SAMD12: variants seen among roughly 807,000 people sequenced by gnomAD.
The protein encoded by SAMD12 is sterile alpha motif domain-containing protein 12.
In SAMD12, 9 loss-of-function variants were observed where a neutral mutation model predicts 15.0. The ratio of observed to expected loss-of-function variants is 0.60; its 90% CI spans 0.36 to 1.05. SAMD12 has a LOEUF of 1.05. Ranked by LOEUF, SAMD12 falls within the 50% of genes least tolerant of loss-of-function variation. The probability of loss-of-function intolerance (pLI) is 0.01; values close to 1 mark genes in which losing one functional copy is unlikely to be tolerated. For missense variants in SAMD12, 230 were observed against 234.2 expected (o/e 0.98, Z 0.12); for synonymous variants, 86 against 90.1 (o/e 0.96, Z 0.25).
intron 4 of SAMD12, among the ~76,000 whole-genome samples, chr8:118,203,915 C>A (rs1016058421): frequency 2.1e-5 from 3 of 143,794 alleles, no homozygotes; most frequent in African/African-American, 7.9e-5. Context: ...ATGAACTCAT[C>A]CTTTTTTTTT....
At chr8:118,515,453 T>A (rs1825216001) in intron 2 of SAMD12, among the ~76,000 whole-genome samples, 1 of 152,072 alleles carries the variant, frequency 6.6e-6, no homozygotes, top group African/African-American at 2.4e-5. Flanking sequence ...GTGAGCCAAT[T>A]AAACCTCTTT....
chr8:118,471,043 A>G, intron 2 of SAMD12, among the ~76,000 whole-genome samples: 1 of 152,224 alleles, frequency 6.6e-6, no homozygotes, highest in East Asian at 1.9e-4. Context: ...TATTTAAATG[A>G]AAGGCTTCAG....
At chr8:118,362,894 G>A (rs1818575935) in intron 4 of SAMD12, among the ~76,000 whole-genome samples, 1 of 152,138 alleles carries the variant, frequency 6.6e-6, no homozygotes, top group African/African-American at 2.4e-5. Context: ...ATGATGCCAA[G>A]TTGAAAAACA....
intron 4 of SAMD12, among the ~76,000 whole-genome samples, chr8:118,255,806 A>T (rs186482149): frequency 1.8e-4 from 28 of 152,202 alleles, no homozygotes; most frequent in Admixed American, 1.7e-3. Flanking sequence ...ATAGTGCCGC[A>T]ATAAACATAA....
At chr8:118,621,516 G>A (rs2514599) in intron 1 of SAMD12, 288,102 of 476,320 alleles carry the variant, frequency 0.6, 91,807 homozygotes, top group Admixed American at 0.67. Context: ...GGATCCTCCG[G>A]CTTTCCCCCC....
chr8:118,177,689 C>A, the SAMD12 span, among the ~76,000 whole-genome samples: 1 of 152,152 alleles, frequency 6.6e-6, no homozygotes, highest in African/African-American at 2.4e-5. Context: ...CACCACTGCA[C>A]TTCAGCCTGG....
intron 3 of SAMD12, among the ~76,000 whole-genome samples, chr8:118,419,542 C>A (rs948211316): frequency 3.4e-4 from 52 of 152,134 alleles, no homozygotes; most frequent in Admixed American, 2.0e-4. Flanking sequence ...CTTTTATATT[C>A]TACAGTGGTA....
chr8:118,319,173 C>A (rs2130441014), intron 4 of SAMD12, among the ~76,000 whole-genome samples: 1 of 152,204 alleles, frequency 6.6e-6, no homozygotes, highest in African/African-American at 2.4e-5. Context: ...TAAACTTGTA[C>A]AAGGGCACAG....
intron 2 of SAMD12, among the ~76,000 whole-genome samples, chr8:118,525,759 C>T (rs950788784): frequency 6.6e-6 from 1 of 152,172 alleles, no homozygotes; most frequent in African/African-American, 2.4e-5. Context: ...CTGCTCCTCC[C>T]AACCTCTTCT....
intron 1 of SAMD12, among the ~76,000 whole-genome samples, chr8:118,584,579 G>A (rs1827383661): frequency 6.6e-6 from 1 of 152,086 alleles, no homozygotes; most frequent in African/African-American, 2.4e-5. Context: ...TATGGGAAGT[G>A]CTGCTGCTGT....
chr8:118,135,631 C>T, the SAMD12 span, among the ~76,000 whole-genome samples: 1 of 152,162 alleles, frequency 6.6e-6, no homozygotes, highest in East Asian at 1.9e-4. Flanking sequence ...CAGCCTCAAC[C>T]TCCCAGGCTC....
At chr8:118,217,946 A>G (rs1328436308) in intron 4 of SAMD12, among the ~76,000 whole-genome samples, 1 of 152,068 alleles carries the variant, frequency 6.6e-6, no homozygotes, top group Non-Finnish European at 1.5e-5. Flanking sequence ...CTGTTATTTG[A>G]GGTCCAAATT....
intron 2 of SAMD12, among the ~76,000 whole-genome samples, chr8:118,523,774 A>G (rs1168110144): frequency 6.6e-6 from 1 of 152,074 alleles, no homozygotes; most frequent in African/African-American, 2.4e-5. Flanking sequence ...CTTCTGTAGC[A>G]TCTACTCTCC....
chr8:118,310,726 T>G (rs1399600060), intron 4 of SAMD12, among the ~76,000 whole-genome samples: 1 of 152,204 alleles, frequency 6.6e-6, no homozygotes, highest in African/African-American at 2.4e-5. Flanking sequence ...AGAAGTCATT[T>G]CTAGAATGCC....
intron 1 of SAMD12, among the ~76,000 whole-genome samples, chr8:118,585,194 C>T (rs1204254557): frequency 6.6e-6 from 1 of 152,058 alleles, no homozygotes; most frequent in Non-Finnish European, 1.5e-5. Context: ...ATATGCCAGA[C>T]AAAAATGGAC....
At chr8:118,266,078 T>C (rs1813192202) in intron 4 of SAMD12, among the ~76,000 whole-genome samples, 2 of 152,078 alleles carry the variant, frequency 1.3e-5, no homozygotes, top group South Asian at 4.1e-4. Flanking sequence ...GAAAGAGGCA[T>C]GTCTTATATG....
chr8:118,362,384 C>T (rs563076870), intron 4 of SAMD12, among the ~76,000 whole-genome samples: 19 of 152,232 alleles, frequency 1.2e-4, no homozygotes, highest in South Asian at 4.1e-4. Context: ...ATCTCTTCCT[C>T]GTTTCTGTGG....
At chr8:118,208,022 C>A (rs1819913331) in intron 4 of SAMD12, among the ~76,000 whole-genome samples, 1 of 151,916 alleles carries the variant, frequency 6.6e-6, no homozygotes, top group Non-Finnish European at 1.5e-5. Flanking sequence ...CTTCGGGAGG[C>A]TGAGGCGGGT....
At chr8:118,592,939 A>G (rs2131282902) in intron 1 of SAMD12, among the ~76,000 whole-genome samples, 1 of 152,306 alleles carries the variant, frequency 6.6e-6, no homozygotes, top group South Asian at 2.1e-4. Flanking sequence ...AAAAGCCATG[A>G]GAGGTTCTGG....
Sources: allele counts gnomAD v4.1 joint callset (sites outside exome capture counted in the v4.1 genomes callset), GRCh38; gene constraint gnomAD v4.1.1; transcripts MANE v1.5; gene names NCBI Gene and HGNC (gene_info 2026-07-23, HGNC 2026-07-21).